RBPJ: variants seen among roughly 807,000 people sequenced by gnomAD.
The protein encoded by RBPJ is recombination signal binding protein for immunoglobulin kappa J region.
Under a neutral mutation model 67.8 loss-of-function variants are expected in RBPJ, and 9 were observed. The observed-to-expected ratio is 0.13, with a 90% CI of 0.08 to 0.23. The LOEUF (loss-of-function observed/expected upper bound fraction) is 0.23. Ranked by LOEUF, RBPJ falls within the 10% of genes least tolerant of loss-of-function variation. The probability of loss-of-function intolerance (pLI) is 1.00; values close to 1 mark genes in which losing one functional copy is unlikely to be tolerated. For missense variants in RBPJ, 305 were observed against 595.6 expected (o/e 0.51, Z 5.08); for synonymous variants, 198 against 203.3 (o/e 0.97, Z 0.22).
intron 1 of RBPJ, among the ~76,000 whole-genome samples, chr4:26,383,354 T>C (rs1263222483): frequency 6.6e-6 from 1 of 152,252 alleles, no homozygotes; most frequent in Admixed American, 6.5e-5. Flanking sequence ...TTACTAGCCA[T>C]GTAATTAAAC....
chr4:26,337,793 C>T (rs1480055244), intron 1 of RBPJ, among the ~76,000 whole-genome samples: 1 of 149,110 alleles, frequency 6.7e-6, no homozygotes, highest in African/African-American at 2.5e-5. Context: ...CTCAGGCAAT[C>T]CTCCTCCCTC....
intron 1 of RBPJ, among the ~76,000 whole-genome samples, chr4:26,375,767 A>AC (rs1729659216): frequency 6.6e-6 from 1 of 152,198 alleles, no homozygotes; most frequent in Admixed American, 6.5e-5. Flanking sequence ...CAAAGCAGGC[A>AC]CGAAGCCCAT....
At chr4:26,376,836 C>T (rs1320987368) in intron 1 of RBPJ, among the ~76,000 whole-genome samples, 4 of 152,128 alleles carry the variant, frequency 2.6e-5, no homozygotes, top group Non-Finnish European at 5.9e-5. Context: ...TCAGAGCCAT[C>T]CTAATGGGTA....
the RBPJ span, among the ~76,000 whole-genome samples, chr4:26,119,676 A>ACTTT: frequency 6.6e-6 from 1 of 152,214 alleles, no homozygotes; most frequent in Non-Finnish European, 1.5e-5. Context: ...GCTGAAATCA[A>ACTTT]CTTTCTTTCT....
chr4:26,228,268 C>G (rs528416785), intron 1 of RBPJ, among the ~76,000 whole-genome samples: 1 of 152,298 alleles, frequency 6.6e-6, no homozygotes, highest in Admixed American at 6.5e-5. Context: ...CCCCATTTTG[C>G]CATTTTCTCT....
chr4:26,341,486 C>T (rs528111511), intron 1 of RBPJ, among the ~76,000 whole-genome samples: 22 of 152,198 alleles, frequency 1.4e-4, no homozygotes, highest in South Asian at 4.1e-4. Flanking sequence ...TGGTGCTATG[C>T]TCCTGTAATC....
At chr4:26,428,688 A>G (rs1200652406) in intron 7 of RBPJ, 32 bp from the exon 8 acceptor site, 1 of 1,573,000 alleles carries the variant, frequency 6.4e-7, no homozygotes, top group South Asian at 1.1e-5. Flanking sequence ...CCATGTGTGG[A>G]TGACCTTTTA....
At chr4:26,180,489 T>G (rs1237065238) in intron 1 of RBPJ, among the ~76,000 whole-genome samples, 3 of 152,180 alleles carry the variant, frequency 2.0e-5, no homozygotes, top group Non-Finnish European at 2.9e-5. Flanking sequence ...GTCGGCAGAT[T>G]CAGTGTCTGA....
chr4:26,306,280 C>T (rs980088574), intron 1 of RBPJ, among the ~76,000 whole-genome samples: 5 of 151,986 alleles, frequency 3.3e-5, no homozygotes, highest in African/African-American at 7.3e-5. Flanking sequence ...TTCATTCTTA[C>T]GATGTTGGCT....
At chr4:26,203,513 G>A (rs1188477417) in intron 1 of RBPJ, among the ~76,000 whole-genome samples, 1 of 152,110 alleles carries the variant, frequency 6.6e-6, no homozygotes, top group Non-Finnish European at 1.5e-5. Context: ...TCTCTGTGCT[G>A]TCTGTCTTCC....
At chr4:26,358,610 C>CAAAAAAAAAA (rs771623602) in intron 1 of RBPJ, among the ~76,000 whole-genome samples, 1 of 43,124 alleles carries the variant, frequency 2.3e-5, no homozygotes. Flanking sequence ...CCCATCTCTG[C>CAAAAAAAAAA]AAAAAAAAAA....
At chr4:26,426,490 G>A (rs552791555) in intron 7 of RBPJ, among the ~76,000 whole-genome samples, 5 of 152,260 alleles carry the variant, frequency 3.3e-5, no homozygotes, top group East Asian at 3.9e-4. Flanking sequence ...TTATTAAGAC[G>A]CTGATACATA....
rs1394622805 is a variant in RBPJ at position 26,430,892 on chromosome 4, C to G, written c.1349C>G (p.Ala450Gly). The change falls in exon 11 of 11, where the codon GCC becomes GGC. Residue 450 changes from alanine (A) to glycine (G), a missense_variant. Physicochemically the swap from Ala to Gly is moderately conservative, Grantham distance 60 (BLOSUM62 0). This residue lies in a region of RBPJ where 51 missense variants were observed against 52.8 expected (regional missense o/e 0.97). Transcript: ENST00000355476. The surrounding 1 kb of genome is among the most constrained non-coding windows in gnomAD (Gnocchi z 4.1). ...AGTGCAGCAGGAGCAATCCTTCGAG[C>G]CAATTCAAGCCAGGTGCCCCCTAAC... ...HCSAAGAILR[A>G]NSSQVPPNES... is the part of the protein sequence containing the mutation. 6.2e-7 allele frequency: 1 copy of G among 1,614,006 alleles called. No homozygotes were observed. Among genetic ancestry groups the G allele is most frequent in the Non-Finnish European group, 8.5e-7 (1 of 1,179,998 alleles).
At chr4:26,421,116 G>GA (rs1348753101) in intron 5 of RBPJ, among the ~76,000 whole-genome samples, 2 of 152,236 alleles carry the variant, frequency 1.3e-5, no homozygotes, top group East Asian at 3.9e-4. Flanking sequence ...GTACCCCTTT[G>GA]AAAAACGCTA....
intron 1 of RBPJ, among the ~76,000 whole-genome samples, chr4:26,367,507 T>C (rs951827206): frequency 5.3e-5 from 8 of 152,190 alleles, no homozygotes; most frequent in African/African-American, 1.9e-4. Context: ...GTTTCACTTT[T>C]TATATGTTAG....
intron 1 of RBPJ, among the ~76,000 whole-genome samples, chr4:26,283,981 C>T (rs916025576): frequency 1.3e-5 from 2 of 152,008 alleles, no homozygotes; most frequent in Non-Finnish European, 2.9e-5. Flanking sequence ...GGAAGGTGTC[C>T]AAAAGATTTA....
chr4:26,198,559 C>G (rs1467010269), intron 1 of RBPJ, among the ~76,000 whole-genome samples: 1 of 152,056 alleles, frequency 6.6e-6, no homozygotes, highest in Non-Finnish European at 1.5e-5. Context: ...TGTGCCAGAC[C>G]CTGTTCTATT....
chr4:26,230,193 A>G (rs992097483), intron 1 of RBPJ, among the ~76,000 whole-genome samples: 10 of 151,950 alleles, frequency 6.6e-5, no homozygotes. Context: ...CTATCTTAAA[A>G]AAAAAAAAAA....
At chr4:26,306,430 A>G (rs1236810389) in intron 1 of RBPJ, among the ~76,000 whole-genome samples, 7 of 148,522 alleles carry the variant, frequency 4.7e-5, no homozygotes, top group African/African-American at 1.8e-4. Context: ...CTTATCATTT[A>G]TTTGGAGAAT....
Sources: gnomAD v4.1 joint callset for allele counts (sites outside exome capture counted in the v4.1 genomes callset) on GRCh38, gnomAD v4.1.1 for gene constraint, gnomAD v4.1.1 regional missense constraint, Gnocchi (gnomAD v3.1) non-coding constraint, MANE v1.5 for transcripts, NCBI Gene and HGNC (gene_info 2026-07-23, HGNC 2026-07-21) for gene names.